Variants in PPP2R2B observed in about 807,000 individuals in gnomAD.
PPP2R2B encodes the protein serine/threonine-protein phosphatase 2A 55 kDa regulatory subunit B beta isoform.
PPP2R2B carries 5 observed loss-of-function variants against 46.0 expected under a neutral mutation model. That is an observed-to-expected ratio of 0.11 (90% CI 0.06 to 0.23). The LOEUF is 0.23. Among genes scored for constraint, PPP2R2B ranks in the 10% least tolerant of loss-of-function variants. PPP2R2B has a pLI of 1.00. For missense variants in PPP2R2B, 367 were observed against 575.0 expected, an observed-to-expected ratio of 0.64 and a Z score of 3.70; for synonymous variants, 215 against 206.7, an observed-to-expected ratio of 1.04 and a Z score of -0.34.
chr5:146,626,073 G>A (rs1774039239), intron 7 of PPP2R2B, among the ~76,000 whole-genome samples: 1 of 152,372 alleles, frequency 6.6e-6, no homozygotes, highest in Middle Eastern at 3.4e-3. Flanking sequence ...TAGACAGTGA[G>A]ACCAATGTCA....
At chr5:146,864,396 CA>C (rs34780019) in intron 2 of PPP2R2B, among the ~76,000 whole-genome samples, 109 of 31,314 alleles carry the variant, frequency 3.5e-3, no homozygotes, top group Middle Eastern at 0.025. Flanking sequence ...TAGTATTAAC[CA>C]AAAAAAAAAA....
At chr5:147,005,708 A>G (rs989631230) in intron 1 of PPP2R2B, among the ~76,000 whole-genome samples, 1 of 152,164 alleles carries the variant, frequency 6.6e-6, no homozygotes, top group African/African-American at 2.4e-5. Context: ...AAAAAGAAGA[A>G]GACAGAGAGA....
At chr5:146,882,401 G>A (rs1437782476), upstream of PPP2R2B, among the ~76,000 whole-genome samples, 1 of 152,076 alleles carries the variant, frequency 6.6e-6, no homozygotes, top group African/African-American at 2.4e-5. Flanking sequence ...TACAGCAAAT[G>A]CATTCTATAT....
chr5:146,674,631 C>G (rs1406991663), intron 5 of PPP2R2B, among the ~76,000 whole-genome samples: 1 of 152,124 alleles, frequency 6.6e-6, no homozygotes, highest in Non-Finnish European at 1.5e-5. Context: ...GAATATGCTT[C>G]CCTTTAAAAT....
chr5:147,019,604 T>TTTTA (rs1755167185), intron 1 of PPP2R2B, among the ~76,000 whole-genome samples: 1 of 151,892 alleles, frequency 6.6e-6, no homozygotes, highest in African/African-American at 2.4e-5. Context: ...TGTTTTTTTT[T>TTTTA]AAAAAGTCTA....
chr5:146,620,154 G>C (rs1773550827), intron 7 of PPP2R2B, among the ~76,000 whole-genome samples: 1 of 152,140 alleles, frequency 6.6e-6, no homozygotes, highest in African/African-American at 2.4e-5. Context: ...ATTATCTGTG[G>C]GGTTAGAACT....
At chr5:146,597,058 T>C (rs1771245174) in intron 8 of PPP2R2B, among the ~76,000 whole-genome samples, 2 of 152,198 alleles carry the variant, frequency 1.3e-5, no homozygotes, top group Admixed American at 6.5e-5. Flanking sequence ...CAGACAACTA[T>C]TCCTATTTAA....
At chr5:146,593,311 T>A (rs1278226873) in intron 8 of PPP2R2B, among the ~76,000 whole-genome samples, 3 of 152,220 alleles carry the variant, frequency 2.0e-5, no homozygotes, top group Non-Finnish European at 4.4e-5. Context: ...CCAGTAAGAC[T>A]AAATAAGTGG....
At chr5:146,787,165 T>G (rs1755890610) in intron 2 of PPP2R2B, among the ~76,000 whole-genome samples, 1 of 152,160 alleles carries the variant, frequency 6.6e-6, no homozygotes, top group African/African-American at 2.4e-5. Flanking sequence ...TGGCCTTTGT[T>G]GAGGGTTGCA....
chr5:146,598,805 T>C (rs1771488920), intron 8 of PPP2R2B, among the ~76,000 whole-genome samples: 1 of 152,158 alleles, frequency 6.6e-6, no homozygotes, highest in South Asian at 2.1e-4. Context: ...CAGAATGTTA[T>C]AACTATTCTC....
At chr5:146,633,931 T>C (rs936927814) in intron 7 of PPP2R2B, among the ~76,000 whole-genome samples, 3 of 152,238 alleles carry the variant, frequency 2.0e-5, no homozygotes, top group Non-Finnish European at 2.9e-5. Context: ...CACATGCCTC[T>C]CTTTTATACA....
At chr5:146,791,850 T>A (rs952236098) in intron 2 of PPP2R2B, among the ~76,000 whole-genome samples, 2 of 152,196 alleles carry the variant, frequency 1.3e-5, no homozygotes, top group Non-Finnish European at 2.9e-5. Flanking sequence ...ATCCCCTGAC[T>A]TTCCCTTTTC....
intron 1 of PPP2R2B, among the ~76,000 whole-genome samples, chr5:147,054,232 C>T (rs1336925894): frequency 6.6e-6 from 1 of 152,106 alleles, no homozygotes; most frequent in Non-Finnish European, 1.5e-5. Flanking sequence ...TTTTCAAAGT[C>T]TAAGCAGGCA....
chr5:146,665,576 T>C (rs1026696208), intron 5 of PPP2R2B, among the ~76,000 whole-genome samples: 2 of 152,226 alleles, frequency 1.3e-5, no homozygotes, highest in African/African-American at 4.8e-5. Flanking sequence ...AAGAAGGTTA[T>C]TTTGCATTCT....
At chr5:146,880,588 A>G (rs1301553737), upstream of PPP2R2B, among the ~76,000 whole-genome samples, 2 of 152,198 alleles carry the variant, frequency 1.3e-5, no homozygotes, top group African/African-American at 4.8e-5. Context: ...AAATTGTTTC[A>G]GGAGGCCTTG....
At chr5:147,054,496 C>A in intron 1 of PPP2R2B, 1 of 385,464 alleles carries the variant, frequency 2.6e-6, no homozygotes, top group South Asian at 1.9e-5. Context: ...AAAAAAAAGT[C>A]CATGAGATAT....
intron 1 of PPP2R2B, among the ~76,000 whole-genome samples, chr5:147,034,444 G>C (rs1755942222): frequency 6.6e-6 from 1 of 152,030 alleles, no homozygotes; most frequent in South Asian, 2.1e-4. Context: ...CCCATAGTAG[G>C]TCCTTATTAC....
intron 5 of PPP2R2B, among the ~76,000 whole-genome samples, chr5:146,680,807 C>T (rs1778120455): frequency 6.6e-6 from 1 of 152,202 alleles, no homozygotes; most frequent in Non-Finnish European, 1.5e-5. Context: ...CCCAAACAAA[C>T]ACAAACCTAA....
Position 146,900,554 on chromosome 5 carries a change from T to TCTTCCTTC in PPP2R2B, c.79+155103_79+155110dup, listed in dbSNP as rs145747835. 9.7e-4 allele frequency among the ~76,000 whole-genome samples: 107 copies of TCTTCCTTC among 110,138 alleles called. 3 individuals are homozygous for TCTTCCTTC. The South Asian group carries it at 0.011, about 12-fold the overall frequency. 72.3% of individuals were successfully genotyped at this position (110,138 alleles called of 152,430 possible). A position where few individuals can be genotyped will look rare whatever the true frequency, so the allele number is the denominator to read the frequency against. Reference sequence around the variant, plus strand: ...TCCTTTCCTTTCTTTTTCCTTCCTTTCTTCCTTCCTTCCTTCCTTCCTTCC... The same window carrying TCTTCCTTC: ...TCCTTTCCTTTCTTTTTCCTTCCTTTCTTCCTTCCTTCCTTCCTTCCTTCCTTCCTTCC... On this transcript the variant is annotated intron_variant, in intron 1 of 8. Transcript: ENST00000336640.
Sources: gnomAD v4.1 joint callset for allele counts (sites outside exome capture counted in the v4.1 genomes callset) on GRCh38, gnomAD v4.1.1 for gene constraint, MANE v1.5 for transcripts, NCBI Gene and HGNC (gene_info 2026-07-23, HGNC 2026-07-21) for gene names.